Variants in FHIT observed in about 807,000 individuals in gnomAD.
FHIT encodes the protein bis(5'-adenosyl)-triphosphatase.
Under a neutral mutation model 17.9 loss-of-function variants are expected in FHIT, and 19 were observed. That is an observed-to-expected ratio of 1.06 (90% CI 0.74 to 1.56). FHIT has a LOEUF of 1.56. Among genes scored for constraint, FHIT ranks in the 40% most tolerant of loss-of-function variants. The pLI, the probability that FHIT is intolerant of heterozygous loss-of-function variation, is 0.00. For synonymous variants in FHIT, 81 were observed against 69.7 expected, an observed-to-expected ratio of 1.16 and a Z score of -0.81; for missense variants, 248 against 189.2, an observed-to-expected ratio of 1.31 and a Z score of -1.82.
chr3:60,085,663 G>A (rs367653741), intron 5 of FHIT, among the ~76,000 whole-genome samples: 29 of 152,162 alleles, frequency 1.9e-4, no homozygotes, highest in African/African-American at 6.5e-4. Flanking sequence ...CACAATTATA[G>A]GGGAGGTCAG....
intron 4 of FHIT, among the ~76,000 whole-genome samples, chr3:60,791,089 A>G (rs782006729): frequency 5.9e-5 from 9 of 152,288 alleles, no homozygotes; most frequent in Non-Finnish European, 7.4e-5. Flanking sequence ...TTTGCTGGCC[A>G]TTTGGTTTAG....
intron 8 of FHIT, among the ~76,000 whole-genome samples, chr3:59,865,506 C>T (rs1267974174): frequency 2.0e-5 from 3 of 152,220 alleles, no homozygotes; most frequent in African/African-American, 7.2e-5. Flanking sequence ...TGTCAGATTA[C>T]AGGCTGAAAT....
chr3:60,118,734 C>CGTGGTGACT, intron 5 of FHIT, among the ~76,000 whole-genome samples: 1 of 122,542 alleles, frequency 8.2e-6, no homozygotes, highest in Non-Finnish European at 1.6e-5. Context: ...AGGGTCCGGG[C>CGTGGTGACT]CTGTAATCCC....
intron 7 of FHIT, among the ~76,000 whole-genome samples, chr3:60,010,205 A>G (rs1700087207): frequency 6.6e-6 from 1 of 152,278 alleles, no homozygotes; most frequent in Non-Finnish European, 1.5e-5. Context: ...AGCCACAGGT[A>G]TTAAATCCTT....
chr3:61,063,710 C>T (rs996765595), intron 2 of FHIT, among the ~76,000 whole-genome samples: 9 of 152,030 alleles, frequency 5.9e-5, no homozygotes, highest in Admixed American at 1.3e-4. Context: ...TGGTGAAGAA[C>T]GTGGTAAACT....
intron 8 of FHIT, among the ~76,000 whole-genome samples, chr3:59,814,759 A>G (rs921476685): frequency 6.6e-6 from 1 of 152,150 alleles, no homozygotes; most frequent in Non-Finnish European, 1.5e-5. Flanking sequence ...GGAGCTCCCA[A>G]TATAGAGGCC....
chr3:61,189,870 T>G (rs1161316072), intron 2 of FHIT, among the ~76,000 whole-genome samples: 2 of 152,222 alleles, frequency 1.3e-5, no homozygotes, highest in Admixed American at 1.3e-4. Flanking sequence ...CTGGGAAAAC[T>G]GGCTAGCCAT....
chr3:59,988,571 A>C (rs147333815), intron 7 of FHIT, among the ~76,000 whole-genome samples: 263 of 152,136 alleles, frequency 1.7e-3, no homozygotes, highest in African/African-American at 6.2e-3. Context: ...CTTTCTGTGT[A>C]TCTGGCGCTC....
intron 2 of FHIT, among the ~76,000 whole-genome samples, chr3:61,186,942 C>T (rs1157585483): frequency 6.6e-6 from 1 of 152,116 alleles, no homozygotes; most frequent in Non-Finnish European, 1.5e-5. Context: ...CTATGTTTTG[C>T]CTCTTGATGT....
intron 3 of FHIT, among the ~76,000 whole-genome samples, chr3:60,991,659 C>G (rs537940930): frequency 6.6e-5 from 10 of 152,282 alleles, no homozygotes. Context: ...GGGACTCCAT[C>G]AAACTTACTA....
chr3:60,389,009 T>G (rs1395020164), intron 5 of FHIT, among the ~76,000 whole-genome samples: 1 of 152,158 alleles, frequency 6.6e-6, no homozygotes, highest in African/African-American at 2.4e-5. Flanking sequence ...CATCCTGGTG[T>G]CGTCTGGCTG....
intron 4 of FHIT, among the ~76,000 whole-genome samples, chr3:60,565,923 C>T (rs2037117935): frequency 6.6e-6 from 1 of 152,148 alleles, no homozygotes; most frequent in Admixed American, 6.5e-5. Context: ...CCTCTACACA[C>T]TGCTTTGAAT....
chr3:61,239,077 G>T (rs2040303171), intron 1 of FHIT, among the ~76,000 whole-genome samples: 1 of 152,134 alleles, frequency 6.6e-6, no homozygotes, highest in South Asian at 2.1e-4. Flanking sequence ...CATCAGCCAG[G>T]ACTGTAACTC....
chr3:59,840,134 A>G (rs1268924533), intron 8 of FHIT, among the ~76,000 whole-genome samples: 1 of 152,166 alleles, frequency 6.6e-6, no homozygotes, highest in Non-Finnish European at 1.5e-5. Context: ...CAGGTAATCA[A>G]AAAGGATGGG....
intron 8 of FHIT, among the ~76,000 whole-genome samples, chr3:59,874,433 G>C (rs1360478964): frequency 1.3e-5 from 2 of 152,146 alleles, no homozygotes; most frequent in African/African-American, 4.8e-5. Context: ...GGAGGTTACT[G>C]AGCCCCAGTC....
intron 5 of FHIT, among the ~76,000 whole-genome samples, chr3:60,216,903 G>A (rs1457087639): frequency 6.6e-6 from 1 of 152,018 alleles, no homozygotes; most frequent in Admixed American, 6.6e-5. Flanking sequence ...CTTCCTGGCA[G>A]AAACTCCCTG....
chr3:61,172,369 A>T (rs187341866), intron 2 of FHIT, among the ~76,000 whole-genome samples: 48 of 152,316 alleles, frequency 3.2e-4, no homozygotes, highest in African/African-American at 9.4e-4. Flanking sequence ...ATAATGACTT[A>T]TTATTCATGT....
At chr3:60,097,550 C>A (rs553317551) in intron 5 of FHIT, among the ~76,000 whole-genome samples, 47 of 152,192 alleles carry the variant, frequency 3.1e-4, no homozygotes, top group Non-Finnish European at 4.4e-4. Context: ...CAACACCAAC[C>A]CCTCCTCTTC....
chr3:60,534,453 A>AAAAG (rs2035908501), intron 5 of FHIT, among the ~76,000 whole-genome samples: 2 of 141,810 alleles, frequency 1.4e-5, no homozygotes, highest in African/African-American at 5.2e-5. Context: ...AAAAAAAAAA[A>AAAAG]AAAAAAAAAA....
Sources: allele counts gnomAD v4.1 joint callset (sites outside exome capture counted in the v4.1 genomes callset), GRCh38; gene constraint gnomAD v4.1.1; transcripts MANE v1.5; gene names NCBI Gene and HGNC (gene_info 2026-07-23, HGNC 2026-07-21).